Variants in SIRPG observed in about 807,000 individuals in gnomAD.
The protein encoded by SIRPG is signal regulatory protein gamma.
SIRPG carries 38 observed loss-of-function variants against 35.7 expected under a neutral mutation model. The ratio of observed to expected loss-of-function variants is 1.06; its 90% CI spans 0.82 to 1.40. The LOEUF (loss-of-function observed/expected upper bound fraction) is 1.40. Among genes scored for constraint, SIRPG ranks in the 40% most tolerant of loss-of-function variants. The probability of loss-of-function intolerance (pLI) is 0.00; values close to 1 mark genes in which losing one functional copy is unlikely to be tolerated. For synonymous variants in SIRPG, 215 were observed against 190.4 expected, an observed-to-expected ratio of 1.13 and a Z score of -1.06; for missense variants, 519 against 483.0, an observed-to-expected ratio of 1.07 and a Z score of -0.70.
intron 4 of SIRPG, 87 bp from the exon 5 acceptor site, chr20:1,630,393 C>A (rs985102517): frequency 9.9e-7 from 1 of 1,008,972 alleles, no homozygotes. Flanking sequence ...CTGAGGCTGC[C>A]TGGGCCCATC....
the SIRPG span, among the ~76,000 whole-genome samples, chr20:1,686,252 T>C: frequency 3.9e-5 from 6 of 151,968 alleles, no homozygotes; most frequent in African/African-American, 1.2e-4. Flanking sequence ...TGTGTTTGTC[T>C]GGAATCCCTG....
rs2091934318 is a variant in SIRPG, at chr20:1,650,556, CG to C, written c.74-1149del. Among the ~76,000 whole-genome samples, 3 of 151,738 alleles carry C rather than the reference CG, an allele frequency of 2.0e-5. No homozygotes were observed. The South Asian group carries it at 6.2e-4, about 32-fold the overall frequency. On this transcript the variant is annotated intron_variant, in intron 1 of 5. Coordinates refer to ENST00000303415, the MANE Select transcript of SIRPG (RefSeq NM_018556.4). ...AATTAAAATTATTAAGACTGAGATACGGATGGAAAATGGAGTATAGTATAGA... is the reference window on the plus strand; with the variant it reads ...AATTAAAATTATTAAGACTGAGATACGATGGAAAATGGAGTATAGTATAGA...
chr20:1,671,770 G>C, the SIRPG span, among the ~76,000 whole-genome samples: 1 of 152,242 alleles, frequency 6.6e-6, no homozygotes, highest in Non-Finnish European at 1.5e-5. Context: ...AAAGGGATGG[G>C]TCTGGCTAGT....
chr20:1,682,319 T>C, the SIRPG span, among the ~76,000 whole-genome samples: 3 of 152,202 alleles, frequency 2.0e-5, no homozygotes, highest in Non-Finnish European at 4.4e-5. Flanking sequence ...TTTCGCATAG[T>C]CAAGTGAGAT....
the SIRPG span, among the ~76,000 whole-genome samples, chr20:1,672,154 T>C: frequency 5.3e-5 from 8 of 152,174 alleles, no homozygotes; most frequent in African/African-American, 1.7e-4. Context: ...TTCTGTAAAA[T>C]AGGACAGCAT....
intron 2 of SIRPG, among the ~76,000 whole-genome samples, chr20:1,639,536 G>C (rs1416333844): frequency 6.6e-6 from 1 of 151,838 alleles, no homozygotes; most frequent in Admixed American, 6.6e-5. Context: ...TTGTCAGATG[G>C]GTAAATTGCA....
chr20:1,649,497 C>T, intron 1 of SIRPG, 89 bp from the exon 2 acceptor site: 2 of 1,221,178 alleles, frequency 1.6e-6, no homozygotes, highest in Non-Finnish European at 2.3e-6. Context: ...TGACTGGGTG[C>T]ACATCAGGAA....
At chr20:1,635,660 C>T in intron 3 of SIRPG, 61 bp from the exon 4 acceptor site, 1 of 1,551,204 alleles carries the variant, frequency 6.4e-7, no homozygotes, top group Admixed American at 1.7e-5. Context: ...AGGGAGGGCT[C>T]CATAACTTAA....
chr20:1,675,772 T>A, the SIRPG span, among the ~76,000 whole-genome samples: 1 of 152,168 alleles, frequency 6.6e-6, no homozygotes, highest in Non-Finnish European at 1.5e-5. Flanking sequence ...CCAAGAACAG[T>A]TTTTATATTT....
At chr20:1,648,765 C>T (rs2091916183) in intron 2 of SIRPG, among the ~76,000 whole-genome samples, 1 of 152,204 alleles carries the variant, frequency 6.6e-6, no homozygotes, top group South Asian at 2.1e-4. Context: ...CTGTCAGTTT[C>T]CTCATTTGTG....
intron 1 of SIRPG, among the ~76,000 whole-genome samples, chr20:1,650,950 G>A (rs1449089016): frequency 2.0e-5 from 3 of 152,168 alleles, no homozygotes; most frequent in Non-Finnish European, 2.9e-5. Flanking sequence ...AGAAGACAGA[G>A]GGATGATATG....
chr20:1,632,960 G>A (rs1203188918), intron 4 of SIRPG, among the ~76,000 whole-genome samples: 1 of 152,046 alleles, frequency 6.6e-6, no homozygotes, highest in East Asian at 1.9e-4. Flanking sequence ...CGGAAACAAA[G>A]TGGTCCTTTG....
the SIRPG span, among the ~76,000 whole-genome samples, chr20:1,685,132 G>A: frequency 6.6e-6 from 1 of 152,146 alleles, no homozygotes; most frequent in Admixed American, 6.5e-5. Flanking sequence ...GCCTGTCTGT[G>A]GGCTGTGAGC....
intron 2 of SIRPG, among the ~76,000 whole-genome samples, chr20:1,644,049 T>C (rs781379259): frequency 2.0e-5 from 3 of 152,142 alleles, no homozygotes; most frequent in Non-Finnish European, 2.9e-5. Context: ...CTCAGTTGGG[T>C]GGCACGGGGA....
the SIRPG span, among the ~76,000 whole-genome samples, chr20:1,685,021 T>A: frequency 1.1e-3 from 172 of 152,306 alleles, no homozygotes; most frequent in African/African-American, 4.1e-3. Context: ...ACCTGTGAGG[T>A]GACTCACAGC....
chr20:1,662,608 C>T (rs117366411), upstream of SIRPG, among the ~76,000 whole-genome samples: 1,579 of 152,314 alleles, frequency 0.01, 13 homozygotes, highest in Non-Finnish European at 0.015. Context: ...AATATTTGAA[C>T]TTCCTGCTAC....
At chr20:1,650,870 C>T (rs1292300484) in intron 1 of SIRPG, among the ~76,000 whole-genome samples, 12 of 152,140 alleles carry the variant, frequency 7.9e-5, no homozygotes, top group South Asian at 2.1e-4. Flanking sequence ...GGGAGAGAAA[C>T]GATTCCTCAC....
Position 1,636,493 on chromosome 20 carries a change from G to T in SIRPG, c.443C>A (p.Ala148Asp), listed in dbSNP as rs61738503. 660 of 1,614,140 alleles carry T rather than the reference G, an allele frequency of 4.1e-4. 2 individuals are homozygous for T. Among genetic ancestry groups the T allele is most frequent in the Admixed American group, 1.8e-3 (106 of 60,030 alleles). Reference sequence around the variant, plus strand: ...CGCCGCAGGGCCCAATACCACGGGGGCAGAGGGTTTGGCTACAAAAGGGGC... The same window carrying T: ...CGCCGCAGGGCCCAATACCACGGGGTCAGAGGGTTTGGCTACAAAAGGGGC... ...TEMALGAKPS[A>D]PVVLGPAART... Residue 148 changes from alanine to aspartate, a missense_variant, in exon 3 of 6, where the codon GCC becomes GAC. Coordinates refer to ENST00000303415, the MANE Select transcript of SIRPG (RefSeq NM_018556.4).
At chr20:1,641,495 C>T (rs983669159) in intron 2 of SIRPG, among the ~76,000 whole-genome samples, 20 of 151,504 alleles carry the variant, frequency 1.3e-4, no homozygotes, top group African/African-American at 4.6e-4. Context: ...TTCTTCTCTC[C>T]TTTCTTCTTT....
Sources: allele counts gnomAD v4.1 joint callset (sites outside exome capture counted in the v4.1 genomes callset), GRCh38; gene constraint gnomAD v4.1.1; transcripts MANE v1.5; gene names NCBI Gene and HGNC (gene_info 2026-07-23, HGNC 2026-07-21).